PCDHGB1: variants seen among roughly 807,000 people sequenced by gnomAD.
PCDHGB1 encodes the protein protocadherin gamma subfamily B, 1.
PCDHGB1 carries 34 observed loss-of-function variants against 56.6 expected under a neutral mutation model. That is an observed-to-expected ratio of 0.60 (90% CI 0.46 to 0.80). The LOEUF is 0.80. PCDHGB1 is among the 30% of genes least tolerant of loss of function. The probability of loss-of-function intolerance (pLI) is 0.00; values close to 1 mark genes in which losing one functional copy is unlikely to be tolerated. For synonymous variants in PCDHGB1, 561 were observed against 505.9 expected, an observed-to-expected ratio of 1.11 and a Z score of -1.46; for missense variants, 1,278 against 1,204.6, an observed-to-expected ratio of 1.06 and a Z score of -0.90.
intron 1 of PCDHGB1, chr5:141,356,664 T>A: frequency 6.2e-7 from 1 of 1,613,996 alleles, no homozygotes; most frequent in Non-Finnish European, 8.5e-7. Flanking sequence ...CCCGAATCAC[T>A]TACTCCCTGG....
At chr5:141,372,450 G>A in intron 1 of PCDHGB1, 1 of 1,614,034 alleles carries the variant, frequency 6.2e-7, no homozygotes, top group South Asian at 1.1e-5. Flanking sequence ...TGACCCTCAG[G>A]CGGAGCTACA....
At chr5:141,356,606 C>A in intron 1 of PCDHGB1, 1 of 1,614,182 alleles carries the variant, frequency 6.2e-7, no homozygotes, top group Non-Finnish European at 8.5e-7. Flanking sequence ...CCCAGAGGAG[C>A]CTCCATCTTA....
chr5:141,445,828 G>A (rs1188169953), intron 1 of PCDHGB1, among the ~76,000 whole-genome samples: 2 of 152,188 alleles, frequency 1.3e-5, no homozygotes, highest in African/African-American at 2.4e-5. Context: ...AAGGCAGGGA[G>A]AGCCTTGTAA....
intron 2 of PCDHGB1, among the ~76,000 whole-genome samples, chr5:141,501,290 T>TACACATACAC (rs1224133816): frequency 4.6e-4 from 62 of 136,246 alleles, no homozygotes; most frequent in Admixed American, 7.0e-4. Flanking sequence ...TATTCCCTTA[T>TACACATACAC]ACACACACAC....
At chr5:141,371,997 C>G in intron 1 of PCDHGB1, 6 of 1,613,232 alleles carry the variant, frequency 3.7e-6, no homozygotes, top group South Asian at 1.1e-5. Context: ...TCTGCAGGCC[C>G]GCGACCAGGG....
intron 1 of PCDHGB1, chr5:141,394,258 A>T: frequency 6.2e-7 from 1 of 1,613,912 alleles, no homozygotes; most frequent in Non-Finnish European, 8.5e-7. Context: ...CCCGACAGCC[A>T]GGAGAATGCC....
At chr5:141,414,360 A>G (rs1177384414) in intron 1 of PCDHGB1, 1 of 1,613,800 alleles carries the variant, frequency 6.2e-7, no homozygotes, top group Non-Finnish European at 8.5e-7. Context: ...CGTATCTACC[A>G]TTTAAATTAG....
At position 141,415,832 on chromosome 5, in the gene PCDHGB1, T is replaced by C. The variant is rs995620508; in HGVS notation, c.2409+63163T>C. On this transcript the variant is annotated intron_variant, in intron 1 of 3. Coordinates refer to ENST00000523390, the MANE Select transcript of PCDHGB1 (RefSeq NM_018922.3). ...GCCTATATATCATAAGGCTTTGTTA[T>C]GATTAGCTTTGCAGAACCTTGTAGT... 33 of 1,310,754 alleles carry C rather than the reference T, an allele frequency of 2.5e-5. No individual in the cohort carries two copies. The African/African-American group carries it at 4.7e-4, about 19-fold the overall frequency. 81.2% of individuals were successfully genotyped at this position (1,310,754 alleles called of 1,614,324 possible).
chr5:141,382,856 G>A, intron 1 of PCDHGB1: 1 of 1,504,886 alleles, frequency 6.6e-7, no homozygotes, highest in Non-Finnish European at 8.9e-7. Context: ...GCATTCTGAA[G>A]CACTTCCCGA....
intron 1 of PCDHGB1, chr5:141,394,971 C>T: frequency 6.2e-7 from 1 of 1,613,938 alleles, no homozygotes. Context: ...GAGGCGCTGG[C>T]ACAAGTCACG....
chr5:141,420,271 A>G, intron 1 of PCDHGB1: 1 of 1,536,584 alleles, frequency 6.5e-7, no homozygotes, highest in Non-Finnish European at 8.8e-7. Flanking sequence ...AGATTCTTAA[A>G]CAGGTAAGTA....
chr5:141,397,846 A>G (rs1032127108), intron 1 of PCDHGB1: 3 of 528,344 alleles, frequency 5.7e-6, no homozygotes, highest in Non-Finnish European at 9.9e-6. Flanking sequence ...GAAGCCGCAG[A>G]GGCTGTAGTT....
rs143779180 is a variant in PCDHGB1 at position 141,485,438 on chromosome 5, C to A, written c.2410-9369C>A. The A allele has an allele frequency of 9.9e-6, 16 of 1,614,170 alleles. No individual in the cohort carries two copies. The African/African-American group carries it at 1.3e-4, about 13-fold the overall frequency. Reference sequence around the variant, plus strand: ...CAGCGGAGCCCTGCTCATCAAGAACCCAATCGACCGAGAGGCACTGTGTGG... The same window carrying A: ...CAGCGGAGCCCTGCTCATCAAGAACACAATCGACCGAGAGGCACTGTGTGG... On this transcript the variant is annotated intron_variant, in intron 1 of 3. Coordinates refer to ENST00000523390, the MANE Select transcript of PCDHGB1 (RefSeq NM_018922.3). The surrounding 1 kb of genome is among the most constrained non-coding windows in gnomAD (Gnocchi z 5.7).
At chr5:141,506,092 G>A (rs1595997534) in intron 3 of PCDHGB1, among the ~76,000 whole-genome samples, 1 of 152,142 alleles carries the variant, frequency 6.6e-6, no homozygotes, top group Admixed American at 6.6e-5. Flanking sequence ...TTCGGCTAGT[G>A]GTGGTTGTCC....
At chr5:141,443,317 C>CAA (rs35054295) in intron 1 of PCDHGB1, among the ~76,000 whole-genome samples, 2,546 of 141,926 alleles carry the variant, frequency 0.018, 55 homozygotes, top group African/African-American at 0.052. Flanking sequence ...CCCATCTCTA[C>CAA]AAAAAAAAAA....
At chr5:141,376,679 T>G (rs1008866087) in intron 1 of PCDHGB1, 29 of 528,326 alleles carry the variant, frequency 5.5e-5, no homozygotes, top group East Asian at 4.1e-5. Flanking sequence ...GGGTATCGTT[T>G]TTTTTTTTTT....
At chr5:141,384,638 G>C in intron 1 of PCDHGB1, 1 of 1,614,188 alleles carries the variant, frequency 6.2e-7, no homozygotes, top group Non-Finnish European at 8.5e-7. Context: ...CTGGCACCCC[G>C]CTCCGCAGAG....
At chr5:141,364,543 G>A (rs374825504) in intron 1 of PCDHGB1, 26 of 1,614,010 alleles carry the variant, frequency 1.6e-5, no homozygotes, top group Middle Eastern at 1.6e-4. Context: ...CCAGAGGTAG[G>A]ACGCAGCTTT....
chr5:141,374,090 C>T, intron 1 of PCDHGB1: 1 of 1,535,464 alleles, frequency 6.5e-7, no homozygotes, highest in Non-Finnish European at 8.8e-7. Context: ...AGTAATGGCG[C>T]CTCCGCAGAG....
Sources: allele counts gnomAD v4.1 joint callset (sites outside exome capture counted in the v4.1 genomes callset), GRCh38; gene constraint gnomAD v4.1.1; non-coding constraint Gnocchi (gnomAD v3.1); transcripts MANE v1.5; gene names NCBI Gene and HGNC (gene_info 2026-07-23, HGNC 2026-07-21).